The following DMD variants were observed in gnomAD, a reference collection of about 807,000 sequenced individuals.
DMD encodes dystrophin.
In DMD, 63 loss-of-function variants were observed where a neutral mutation model predicts 330.1. The ratio of observed to expected loss-of-function variants is 0.19; its 90% CI spans 0.16 to 0.24. The LOEUF is 0.24. Ranked by LOEUF, DMD falls within the 10% of genes least tolerant of loss-of-function variation. The pLI, the probability that DMD is intolerant of heterozygous loss-of-function variation, is 1.00. For synonymous variants in DMD, 1,223 were observed against 959.8 expected (o/e 1.27, Z -5.07); for missense variants, 3,344 against 2,684.1 (o/e 1.25, Z -5.43).
At chrX:32,172,578 A>G (rs1274393986) in intron 44 of DMD, among the ~76,000 whole-genome samples, 1 of 111,166 alleles carries the variant, frequency 9.0e-6, no homozygotes, top group African/African-American at 3.3e-5. Context: ...AAGTCCCACA[A>G]CGGGAGTTAT....
chrX:31,329,839 C>T (rs1007552129), intron 61 of DMD, among the ~76,000 whole-genome samples: 4 of 107,808 alleles, frequency 3.7e-5, no homozygotes, highest in African/African-American at 6.8e-5. Flanking sequence ...GGCGAGGTGG[C>T]GCGCACCTAT....
At chrX:32,072,230 C>G (rs2096305920) in intron 44 of DMD, among the ~76,000 whole-genome samples, 1 of 111,360 alleles carries the variant, frequency 9.0e-6, no homozygotes, top group Non-Finnish European at 1.9e-5. Flanking sequence ...AAACCCTTTG[C>G]TCTCCAATGA....
At chrX:31,758,022 C>A (rs780132817) in intron 51 of DMD, among the ~76,000 whole-genome samples, 1 of 110,395 alleles carries the variant, frequency 9.1e-6, no homozygotes, top group Non-Finnish European at 1.9e-5. Context: ...CTCCCTCTGC[C>A]CCTACACGTT....
intron 60 of DMD, among the ~76,000 whole-genome samples, chrX:31,405,493 A>C (rs2061369013): frequency 9.0e-6 from 1 of 111,675 alleles, no homozygotes; most frequent in African/African-American, 3.2e-5. Flanking sequence ...CAAAAATCCC[A>C]ACTTTTAAAG....
intron 29 of DMD, among the ~76,000 whole-genome samples, chrX:32,420,756 A>G (rs12387844): frequency 0.3 from 32,942 of 110,757 alleles, 6,052 homozygotes; most frequent in African/African-American, 0.69. Context: ...AATTCATCAC[A>G]CTTCCTTTTA....
chrX:32,852,150 G>T (rs2081188408), intron 2 of DMD, among the ~76,000 whole-genome samples: 1 of 111,455 alleles, frequency 9.0e-6, no homozygotes, highest in Non-Finnish European at 1.9e-5. Context: ...CTTGAGGAGA[G>T]GATAGGGACA....
intron 1 of DMD, among the ~76,000 whole-genome samples, chrX:33,026,741 G>A (rs5928156): frequency 0.42 from 46,812 of 110,308 alleles, 7,154 homozygotes; most frequent in South Asian, 0.5. Context: ...GAACAGAAAA[G>A]CTGTTCATGT....
Position 32,759,847 on chromosome X carries a change from GGGGGGGGGGGGGC to G in DMD, c.649+49633_649+49645del, listed in dbSNP as rs2072004253. Among the ~76,000 whole-genome samples, 2 of 14,643 alleles carry G rather than the reference GGGGGGGGGGGGGC, an allele frequency of 1.4e-4. 1 individual carries two copies. Among genetic ancestry groups the G allele is most frequent in the South Asian group, 8.8e-3 (2 of 226 alleles). 12.7% of individuals were successfully genotyped at this position (14,643 alleles called of 115,157 possible). On this transcript the variant is annotated intron_variant, in intron 7 of 78. Coordinates refer to ENST00000357033, the MANE Select transcript of DMD (RefSeq NM_004006.3). ...AAGGCAGATGCAGGTTTTTCTTGGG[GGGGGGGGGGGGGC>G]GGGGGAAGACCCAGGCAGGCCCATG...
chrX:32,346,824 G>A (rs769554085), intron 38 of DMD, among the ~76,000 whole-genome samples: 2 of 111,514 alleles, frequency 1.8e-5, no homozygotes, highest in South Asian at 7.3e-4. Context: ...GAAATAAAAT[G>A]TTTTGAATAA....
chrX:32,899,780 T>C (rs2086077401), intron 2 of DMD, among the ~76,000 whole-genome samples: 1 of 111,475 alleles, frequency 9.0e-6, no homozygotes, highest in African/African-American at 3.3e-5. Flanking sequence ...CTGGTATAAA[T>C]AAGCTAAATA....
At chrX:31,240,950 T>C (rs1444260062) in intron 63 of DMD, among the ~76,000 whole-genome samples, 1 of 111,089 alleles carries the variant, frequency 9.0e-6, no homozygotes, top group South Asian at 3.8e-4. Flanking sequence ...CATTTTTTTT[T>C]TGTTCATTTT....
Position 31,628,915 on chromosome X carries a change from CATAT to C in DMD, c.8028-1057_8028-1054del, listed in dbSNP as rs10524146. 4.7e-3 allele frequency among the ~76,000 whole-genome samples: 389 copies of C among 82,724 alleles called. 2 individuals carry two copies. Among genetic ancestry groups the C allele is most frequent in the African/African-American group, 0.011 (247 of 23,217 alleles). 71.8% of individuals were successfully genotyped at this position (82,724 alleles called of 115,157 possible). On this transcript the variant is annotated intron_variant, in intron 54 of 78. Coordinates refer to ENST00000357033, the MANE Select transcript of DMD (RefSeq NM_004006.3). ...CTAAAAATGTATTCATATTTTTGAT[CATAT>C]ATATATATATATATATATATATAAA...
chrX:32,818,328 C>G (rs185894747), intron 5 of DMD, among the ~76,000 whole-genome samples: 51 of 111,816 alleles, frequency 4.6e-4, no homozygotes, highest in African/African-American at 1.5e-3. Context: ...TTCAGCTTAT[C>G]AGCCTCAGCC....
Position 32,488,667 on chromosome X carries a change from G to T in DMD, c.2622+2610C>A, listed in dbSNP as rs565240599. On this transcript the variant is annotated intron_variant, in intron 20 of 78. Transcript: ENST00000357033. ...AAGGAGGTGACAACGGAATTTGGAT[G>T]CAGTAAGAGAAGTATTTTCCCTTAG... Among the ~76,000 whole-genome samples, 3 of 111,538 alleles carry T rather than the reference G, an allele frequency of 2.7e-5. No homozygotes were observed. In the East Asian group the frequency reaches 8.5e-4, roughly 31 times the overall value.
At chrX:32,364,827 A>T in intron 35 of DMD, 117 bp from the exon 36 acceptor site, 1 of 863,726 alleles carries the variant, frequency 1.2e-6, no homozygotes, top group Admixed American at 2.9e-5. Flanking sequence ...GATTAGTTTT[A>T]AGTGGTATTT....
intron 1 of DMD, among the ~76,000 whole-genome samples, chrX:33,115,991 C>T (rs1247439661): frequency 1.1e-4 from 12 of 106,144 alleles, no homozygotes; most frequent in Admixed American, 3.0e-4. Flanking sequence ...GTCAGCAGTT[C>T]GAGACCAGCC....
At chrX:33,177,400 T>C (rs2049727144) in intron 1 of DMD, among the ~76,000 whole-genome samples, 1 of 111,927 alleles carries the variant, frequency 8.9e-6, no homozygotes, top group Non-Finnish European at 1.9e-5. Flanking sequence ...TATTTATTTT[T>C]TTGAGACAGG....
intron 44 of DMD, among the ~76,000 whole-genome samples, chrX:32,162,810 C>G (rs746363164): frequency 9.3e-6 from 1 of 107,723 alleles, no homozygotes; most frequent in African/African-American, 3.4e-5. Flanking sequence ...AAACTCCTGA[C>G]CTCAAGTGTT....
intron 77 of DMD, 75 bp downstream of exon 77, chrX:31,134,027 C>T (rs2034854728): frequency 2.2e-6 from 2 of 927,409 alleles, no homozygotes; most frequent in Admixed American, 2.3e-5. Context: ...ATGGAAAATA[C>T]ACACACCAGT....
Sources: allele counts gnomAD v4.1 joint callset (sites outside exome capture counted in the v4.1 genomes callset), GRCh38; gene constraint gnomAD v4.1.1; transcripts MANE v1.5; gene names NCBI Gene and HGNC (gene_info 2026-07-23, HGNC 2026-07-21).